The following SLC1A1 variants were observed in gnomAD, a reference collection of about 807,000 sequenced individuals.
SLC1A1 encodes solute carrier family 1 member 1.
Under a neutral mutation model 53.3 loss-of-function variants are expected in SLC1A1, and 43 were observed. The ratio of observed to expected loss-of-function variants is 0.81; its 90% CI spans 0.63 to 1.04. The LOEUF is 1.04. Among genes scored for constraint, SLC1A1 ranks in the 50% least tolerant of loss-of-function variants. SLC1A1 has a pLI of 0.00. For missense variants in SLC1A1, 748 were observed against 664.9 expected, an observed-to-expected ratio of 1.12 and a Z score of -1.37; for synonymous variants, 307 against 243.2, an observed-to-expected ratio of 1.26 and a Z score of -2.44.
At chr9:4,494,815 T>G (rs1267922199) in intron 1 of SLC1A1, among the ~76,000 whole-genome samples, 1 of 152,144 alleles carries the variant, frequency 6.6e-6, no homozygotes, top group African/African-American at 2.4e-5. Flanking sequence ...GTTAAGGCAC[T>G]TCTTATATCC....
intron 1 of SLC1A1, among the ~76,000 whole-genome samples, chr9:4,493,436 T>G (rs1820306976): frequency 1.3e-5 from 2 of 152,226 alleles, no homozygotes; most frequent in South Asian, 4.1e-4. Flanking sequence ...TGCTAGATAA[T>G]GATAGTAAGA....
At chr9:4,559,989 G>C (rs2129655257) in intron 2 of SLC1A1, 1 of 152,268 alleles carries the variant, frequency 6.6e-6, no homozygotes, top group East Asian at 1.9e-4. Context: ...AGCTGTCCTT[G>C]ACACTCCAGA....
chr9:4,542,920 A>C (rs1360839362), intron 1 of SLC1A1, among the ~76,000 whole-genome samples: 3 of 152,234 alleles, frequency 2.0e-5, no homozygotes, highest in Non-Finnish European at 2.9e-5. Flanking sequence ...TTTGTTCCAA[A>C]AATGATTTAA....
rs995005067 is a variant in SLC1A1 at position 4,583,686 on chromosome 9, A to G, written c.1328+514A>G. On this transcript the variant is annotated intron_variant, in intron 11 of 11. Coordinates refer to ENST00000262352, the MANE Select transcript of SLC1A1 (RefSeq NM_004170.6). This position sits in a 1 kb window ranked among gnomAD's most constrained non-coding sequence, Gnocchi z 4.6. ...GAGGCCCAGTTGCATAATCTGTGAGATGGGAAAAAATCTGCCTATGTCATT... is the reference window on the plus strand; with the variant it reads ...GAGGCCCAGTTGCATAATCTGTGAGGTGGGAAAAAATCTGCCTATGTCATT... Among the ~76,000 whole-genome samples the G allele has an allele frequency of 6.6e-6, 1 of 152,146 alleles. No individual in the cohort carries two copies. Among genetic ancestry groups the G allele is most frequent in the African/African-American group, 2.4e-5 (1 of 41,416 alleles).
intron 4 of SLC1A1, among the ~76,000 whole-genome samples, chr9:4,565,609 AC>A (rs888361583): frequency 6.6e-6 from 1 of 151,816 alleles, no homozygotes; most frequent in Non-Finnish European, 1.5e-5. Context: ...GGGAGAAACC[AC>A]CCCCCATGAT....
At chr9:4,540,846 C>T (rs1266795625) in intron 1 of SLC1A1, among the ~76,000 whole-genome samples, 1 of 152,206 alleles carries the variant, frequency 6.6e-6, no homozygotes, top group African/African-American at 2.4e-5. Context: ...TTGAGGACAT[C>T]AAGGCTCAGA....
At chr9:4,492,298 G>A (rs187665037) in intron 1 of SLC1A1, among the ~76,000 whole-genome samples, 2 of 152,216 alleles carry the variant, frequency 1.3e-5, no homozygotes, top group East Asian at 3.9e-4. Context: ...AAGAGTCGAG[G>A]ATTAATTGTT....
chr9:4,577,990 G>A (rs1820722639), intron 10 of SLC1A1, among the ~76,000 whole-genome samples: 1 of 152,206 alleles, frequency 6.6e-6, no homozygotes, highest in Admixed American at 6.5e-5. Context: ...TCCCAGGATT[G>A]GCAGATGATT....
chr9:4,544,347 G>T (rs2130878023), intron 1 of SLC1A1, among the ~76,000 whole-genome samples: 1 of 152,286 alleles, frequency 6.6e-6, no homozygotes, highest in African/African-American at 2.4e-5. Flanking sequence ...AAGCTTTCAT[G>T]TATAGAATAC....
intron 10 of SLC1A1, among the ~76,000 whole-genome samples, chr9:4,582,551 G>T (rs1372733522): frequency 6.6e-6 from 1 of 152,148 alleles, no homozygotes; most frequent in African/African-American, 2.4e-5. Context: ...ATCCTTCAGG[G>T]CAACTTAAAT....
rs551802065 is a variant in SLC1A1 at position 4,547,793 on chromosome 9, A to C, written c.232+3086A>C. On this transcript the variant is annotated intron_variant, in intron 2 of 11. Coordinates refer to ENST00000262352, the MANE Select transcript of SLC1A1 (RefSeq NM_004170.6). ...ATTTATATTGTATACATATGTATAC[A>C]AATTTATCTTTTATACTATGTATAC... is the stretch of plus-strand genomic sequence containing the variant. Among the ~76,000 whole-genome samples the C allele has an allele frequency of 6.8e-4, 104 of 152,292 alleles. 1 individual carries two copies. In the South Asian group the frequency reaches 0.014, roughly 20 times the overall value.
chr9:4,506,322 C>T (rs1050550113), intron 1 of SLC1A1, among the ~76,000 whole-genome samples: 1 of 152,170 alleles, frequency 6.6e-6, no homozygotes, highest in South Asian at 2.1e-4. Context: ...TACATTTGCA[C>T]ATTTTACATA....
intron 2 of SLC1A1, among the ~76,000 whole-genome samples, chr9:4,545,881 T>C (rs899303312): frequency 8.5e-5 from 13 of 152,236 alleles, no homozygotes; most frequent in African/African-American, 2.9e-4. Flanking sequence ...TTTCTTGTAC[T>C]TAACTCTGGC....
intron 1 of SLC1A1, among the ~76,000 whole-genome samples, chr9:4,504,148 A>G (rs1039965701): frequency 6.6e-6 from 1 of 151,752 alleles, no homozygotes; most frequent in Non-Finnish European, 1.5e-5. Context: ...AACCCACCTG[A>G]TCTCCAGATA....
chr9:4,578,669 T>C (rs1048028567), intron 10 of SLC1A1, among the ~76,000 whole-genome samples: 1 of 152,206 alleles, frequency 6.6e-6, no homozygotes, highest in Non-Finnish European at 1.5e-5. Context: ...AGGATAGACA[T>C]TGTCTGCCCA....
intron 1 of SLC1A1, among the ~76,000 whole-genome samples, chr9:4,507,870 C>A (rs1474541791): frequency 6.6e-6 from 1 of 152,154 alleles, no homozygotes; most frequent in African/African-American, 2.4e-5. Context: ...TTTATTTACA[C>A]ACAGGGAGAT....
Position 4,555,443 on chromosome 9 carries a change from A to G in SLC1A1, c.233-6006A>G, listed in dbSNP as rs573860774. On this transcript the variant is annotated intron_variant, in intron 2 of 11. Transcript: ENST00000262352. Reference sequence around the variant, plus strand: ...CAGATGTTTATTTTTAAAACATGCTATTGTTTAGCCAGGCAACTGCTTCCT... The same window carrying G: ...CAGATGTTTATTTTTAAAACATGCTGTTGTTTAGCCAGGCAACTGCTTCCT... 3.9e-5 allele frequency among the ~76,000 whole-genome samples: 6 copies of G among 152,308 alleles called. No homozygotes were observed. In the East Asian group the frequency reaches 1.2e-3, roughly 29 times the overall value.
intron 1 of SLC1A1, among the ~76,000 whole-genome samples, chr9:4,510,811 T>A (rs1214326028): frequency 6.6e-6 from 1 of 152,180 alleles, no homozygotes; most frequent in African/African-American, 2.4e-5. Context: ...CAAAGGAACA[T>A]GGTGATCTGA....
intron 11 of SLC1A1, among the ~76,000 whole-genome samples, chr9:4,584,319 T>G (rs1307452422): frequency 6.6e-6 from 1 of 152,246 alleles, no homozygotes; most frequent in Admixed American, 6.5e-5. Flanking sequence ...GCACCCTTCT[T>G]GCAAAGATAT....
Sources: gnomAD v4.1 joint callset for allele counts (sites outside exome capture counted in the v4.1 genomes callset) on GRCh38, gnomAD v4.1.1 for gene constraint, Gnocchi (gnomAD v3.1) non-coding constraint, MANE v1.5 for transcripts, NCBI Gene and HGNC (gene_info 2026-07-23, HGNC 2026-07-21) for gene names.